Variants in PDZD2 observed in about 807,000 individuals in gnomAD.
PDZD2 encodes the protein PDZ domain containing 2.
A neutral mutation model predicts 220.7 loss-of-function variants in PDZD2; 90 were observed. The observed-to-expected ratio is 0.41, with a 90% CI of 0.34 to 0.49. PDZD2 has a LOEUF of 0.49. PDZD2 is among the 20% of genes least tolerant of loss of function. PDZD2 has a pLI of 0.28. For synonymous variants in PDZD2, 1,375 were observed against 1,450.5 expected (o/e 0.95, Z 1.18); for missense variants, 3,174 against 3,608.5 (o/e 0.88, Z 3.08).
At chr5:32,103,610 T>G (rs916032423) in intron 24 of PDZD2, 1 of 152,250 alleles carries the variant, frequency 6.6e-6, no homozygotes, top group African/African-American at 2.4e-5. Flanking sequence ...AGCACCCAGC[T>G]AACCTGTCAT....
At chr5:31,983,791 C>T in intron 3 of PDZD2, 135 bp downstream of exon 3, 2 of 897,912 alleles carry the variant, frequency 2.2e-6, no homozygotes, top group East Asian at 5.0e-5. Flanking sequence ...TTTGAAGTTG[C>T]TTTTAAGGTT....
intron 1 of PDZD2, among the ~76,000 whole-genome samples, chr5:31,780,262 G>A (rs186883105): frequency 2.5e-4 from 38 of 152,062 alleles, no homozygotes; most frequent in Non-Finnish European, 4.1e-4. Context: ...GGGTGGAGTC[G>A]GCACAGGAAT....
chr5:31,670,579 G>C lies in PDZD2; in HGVS notation c.-361+31142G>C, dbSNP rs181834541. Among the ~76,000 whole-genome samples, 56 of 152,160 alleles carry C rather than the reference G, an allele frequency of 3.7e-4. 1 individual carries two copies. The East Asian group carries it at 0.01, about 28-fold the overall frequency. On this transcript the variant is annotated intron_variant, in intron 1 of 24. Transcript: ENST00000438447. ...TTACAGGCACCCGCCACCACGCCCG[G>C]CTAATTTTTTAAATGTATTTTTTAG...
chr5:31,737,603 A>T (rs1227831649), intron 1 of PDZD2, among the ~76,000 whole-genome samples: 4 of 152,114 alleles, frequency 2.6e-5, no homozygotes. Context: ...CAATAACTTC[A>T]CTTTTAGCTG....
chr5:31,640,080 T>A (rs1744890726), intron 1 of PDZD2, among the ~76,000 whole-genome samples: 1 of 152,086 alleles, frequency 6.6e-6, no homozygotes, highest in Non-Finnish European at 1.5e-5. Context: ...TCTCCCTCCC[T>A]CTGTTCCTCT....
chr5:31,651,363 G>A (rs1225023554), intron 1 of PDZD2, among the ~76,000 whole-genome samples: 1 of 152,126 alleles, frequency 6.6e-6, no homozygotes, highest in Non-Finnish European at 1.5e-5. Flanking sequence ...CCAGAACTTT[G>A]CCCGAGGATT....
At chr5:31,894,058 CTTTTTT>C (rs35969573) in intron 2 of PDZD2, among the ~76,000 whole-genome samples, 13 of 69,760 alleles carry the variant, frequency 1.9e-4, no homozygotes, top group Admixed American at 6.2e-4. Context: ...CCACGCCCAG[CTTTTTT>C]TTTTTTTTTT....
intron 5 of PDZD2, among the ~76,000 whole-genome samples, chr5:32,004,946 AAGAGTG>A (rs1475537377): frequency 6.6e-6 from 1 of 152,186 alleles, no homozygotes; most frequent in Non-Finnish European, 1.5e-5. Context: ...CAGGCCTCAG[AAGAGTG>A]AGGCCTTTCT....
At chr5:31,757,226 C>T (rs1751351350) in intron 1 of PDZD2, among the ~76,000 whole-genome samples, 1 of 152,150 alleles carries the variant, frequency 6.6e-6, no homozygotes, top group Non-Finnish European at 1.5e-5. Flanking sequence ...CTCCAGGCTG[C>T]AGTGAGCTAT....
chr5:31,815,710 GT>G (rs1755407063), intron 2 of PDZD2, among the ~76,000 whole-genome samples: 1 of 152,276 alleles, frequency 6.6e-6, no homozygotes, highest in South Asian at 2.1e-4. Flanking sequence ...AAGAAGCAGG[GT>G]TCACTTAGTC....
At chr5:31,683,155 G>A (rs1195887804) in intron 1 of PDZD2, among the ~76,000 whole-genome samples, 2 of 148,708 alleles carry the variant, frequency 1.3e-5, no homozygotes, top group Admixed American at 1.4e-4. Flanking sequence ...TTTGGGTACA[G>A]GCTGCTTCCA....
intron 1 of PDZD2, among the ~76,000 whole-genome samples, chr5:31,686,058 T>C (rs1281071481): frequency 6.6e-6 from 1 of 150,914 alleles, no homozygotes; most frequent in Non-Finnish European, 1.5e-5. Flanking sequence ...ATCAGCCAGG[T>C]ATGGTCCCAG....
chr5:31,716,458 G>A (rs1384185769), intron 1 of PDZD2, among the ~76,000 whole-genome samples: 1 of 152,122 alleles, frequency 6.6e-6, no homozygotes, highest in Non-Finnish European at 1.5e-5. Context: ...TCTTTATTGT[G>A]GTTTTTGAGG....
intron 19 of PDZD2, among the ~76,000 whole-genome samples, chr5:32,078,659 A>C (rs1340193389): frequency 6.7e-6 from 1 of 148,548 alleles, no homozygotes; most frequent in Non-Finnish European, 1.5e-5. Context: ...AAAAAAAAAA[A>C]GGAAATTAGT....
intron 1 of PDZD2, among the ~76,000 whole-genome samples, chr5:31,663,684 T>C (rs1052459656): frequency 3.3e-5 from 5 of 152,214 alleles, no homozygotes; most frequent in Non-Finnish European, 5.9e-5. Flanking sequence ...TGACTTTTTC[T>C]TTCCTCTTCC....
rs147134488 is a variant in PDZD2 at position 31,963,573 on chromosome 5, C to T, written c.477-19582C>T. Among the ~76,000 whole-genome samples the T allele has an allele frequency of 4.4e-3, 663 of 152,318 alleles. 4 individuals carry two copies. Among genetic ancestry groups the T allele is most frequent in the African/African-American group, 0.015 (640 of 41,564 alleles). ...ATTCAGGGGTCAGCTGATCCCGCAG[C>T]CTCGCTGGGATGGGCAGCCTCCCAG... is the stretch of plus-strand genomic sequence containing the variant. On this transcript the variant is annotated intron_variant, in intron 2 of 24. Transcript: ENST00000438447.
chr5:31,910,325 T>G (rs1286940602), intron 2 of PDZD2, among the ~76,000 whole-genome samples: 2 of 149,298 alleles, frequency 1.3e-5, no homozygotes, highest in African/African-American at 4.9e-5. Flanking sequence ...GTTCAAGCGA[T>G]TCTCATGACT....
Position 31,795,639 on chromosome 5 carries a change from A to G in PDZD2, c.-360-3250A>G, listed in dbSNP as rs115060159. ...TTCTAACTGCAGATTTCTGTTCTGT[A>G]TCTTCCCTGAGTCAATGTTTTGCAC... On this transcript the variant is annotated intron_variant, in intron 1 of 24. Transcript: ENST00000438447. Among the ~76,000 whole-genome samples, 1,118 of 152,298 alleles carry G rather than the reference A, an allele frequency of 7.3e-3. 12 individuals carry two copies. The highest frequency in any genetic ancestry group is 0.026 in the African/African-American group (1,075 of 41,566).
intron 12 of PDZD2, 138 bp downstream of exon 12, chr5:32,058,241 T>G (rs572195614): frequency 2.4e-4 from 155 of 637,046 alleles, no homozygotes; most frequent in Admixed American, 9.5e-4. Flanking sequence ...GGTCTCTGCA[T>G]GGGACAGTGA....
Sources: allele counts gnomAD v4.1 joint callset (sites outside exome capture counted in the v4.1 genomes callset), GRCh38; gene constraint gnomAD v4.1.1; transcripts MANE v1.5; gene names NCBI Gene and HGNC (gene_info 2026-07-23, HGNC 2026-07-21).